ESRRG: variants seen among roughly 807,000 people sequenced by gnomAD.
The protein encoded by ESRRG is estrogen-related receptor gamma.
ESRRG carries 13 observed loss-of-function variants against 44.0 expected under a neutral mutation model. The observed-to-expected ratio is 0.30, with a 90% CI of 0.19 to 0.47. ESRRG has a LOEUF of 0.47. ESRRG is among the 20% of genes least tolerant of loss of function. The pLI, the probability that ESRRG is intolerant of heterozygous loss-of-function variation, is 1.00. For missense variants in ESRRG, 395 were observed against 580.6 expected (o/e 0.68, Z 3.29); for synonymous variants, 215 against 214.6 (o/e 1.00, Z -0.02).
chr1:217,060,520 T>C lies in ESRRG; in HGVS notation c.-106+28987A>G, dbSNP rs138222630. Among the ~76,000 whole-genome samples the C allele has an allele frequency of 1.7e-3, 261 of 152,172 alleles. 1 individual carries two copies. Among genetic ancestry groups the C allele is most frequent in the African/African-American group, 6.0e-3 (249 of 41,530 alleles). ...AATTAAGATGAGAGAGCCAAAGAAA[T>C]ATGATGCAAAATAAACCCTTGCTAT... On this transcript the variant is annotated intron_variant, in intron 1 of 7. Transcript: ENST00000359162.
chr1:216,720,838 A>G (rs1356021452), intron 1 of ESRRG, among the ~76,000 whole-genome samples: 1 of 152,208 alleles, frequency 6.6e-6, no homozygotes, highest in Non-Finnish European at 1.5e-5. Context: ...GAAATTTACT[A>G]AACTGTTCCC....
chr1:216,568,190 G>A, intron 3 of ESRRG, 92 bp from the exon 4 acceptor site: 2 of 860,960 alleles, frequency 2.3e-6, no homozygotes, highest in Non-Finnish European at 4.0e-6. Flanking sequence ...GAGCACATAG[G>A]TGACAAACAG....
intron 1 of ESRRG, among the ~76,000 whole-genome samples, chr1:216,985,345 C>T (rs1313625527): frequency 6.6e-6 from 1 of 152,160 alleles, no homozygotes; most frequent in Non-Finnish European, 1.5e-5. Flanking sequence ...AGAGGTGAGC[C>T]ATTACAACTC....
chr1:216,908,257 A>G (rs2059906891), intron 2 of ESRRG, among the ~76,000 whole-genome samples: 1 of 152,208 alleles, frequency 6.6e-6, no homozygotes, highest in South Asian at 2.1e-4. Context: ...AGCTTTCCTG[A>G]GGGAAGCTAT....
chr1:217,068,451 G>C (rs2090093604), intron 1 of ESRRG, among the ~76,000 whole-genome samples: 1 of 150,450 alleles, frequency 6.6e-6, no homozygotes. Flanking sequence ...CCTCTTCCAA[G>C]ACTGGAATCT....
At chr1:216,958,778 C>T (rs776713510) in intron 1 of ESRRG, among the ~76,000 whole-genome samples, 1 of 152,118 alleles carries the variant, frequency 6.6e-6, no homozygotes, top group Non-Finnish European at 1.5e-5. Flanking sequence ...ACTGCTCCAT[C>T]TGCTTAGACT....
chr1:216,823,633 C>T (rs1187134740), intron 2 of ESRRG, among the ~76,000 whole-genome samples: 2 of 152,144 alleles, frequency 1.3e-5, no homozygotes, highest in Non-Finnish European at 2.9e-5. Flanking sequence ...CCTTTCTAGG[C>T]TGACAAACAC....
intron 2 of ESRRG, among the ~76,000 whole-genome samples, chr1:216,756,347 C>T (rs573509086): frequency 7.2e-5 from 11 of 151,896 alleles, no homozygotes; most frequent in African/African-American, 2.7e-4. Flanking sequence ...GGGAAATGTG[C>T]CATTTCTTGG....
intron 2 of ESRRG, among the ~76,000 whole-genome samples, chr1:216,662,566 C>T (rs2072773109): frequency 1.3e-5 from 2 of 151,990 alleles, no homozygotes; most frequent in Admixed American, 1.3e-4. Flanking sequence ...CAGATAAGTG[C>T]CTCGCATCCC....
chr1:216,658,285 T>C (rs1034761801), intron 2 of ESRRG, among the ~76,000 whole-genome samples: 1 of 152,138 alleles, frequency 6.6e-6, no homozygotes, highest in Non-Finnish European at 1.5e-5. Flanking sequence ...TTAGCCTTGA[T>C]TTTTTTCCAG....
At chr1:216,802,653 T>C (rs2094659926) in intron 2 of ESRRG, among the ~76,000 whole-genome samples, 1 of 152,072 alleles carries the variant, frequency 6.6e-6, no homozygotes, top group Admixed American at 6.6e-5. Flanking sequence ...AGGTGACACA[T>C]CCATGAATTC....
At chr1:216,986,540 G>A (rs781573021) in intron 1 of ESRRG, among the ~76,000 whole-genome samples, 8 of 151,948 alleles carry the variant, frequency 5.3e-5, no homozygotes, top group East Asian at 1.9e-4. Flanking sequence ...GAGAAACCTC[G>A]TCTCTGTAAA....
chr1:217,071,820 G>A (rs2090599575), intron 1 of ESRRG, among the ~76,000 whole-genome samples: 1 of 152,162 alleles, frequency 6.6e-6, no homozygotes, highest in Non-Finnish European at 1.5e-5. Flanking sequence ...TTTCAGATGA[G>A]GAAAGAGAGA....
At chr1:216,802,385 A>G (rs996972956) in intron 2 of ESRRG, among the ~76,000 whole-genome samples, 3 of 152,170 alleles carry the variant, frequency 2.0e-5, no homozygotes, top group Non-Finnish European at 4.4e-5. Flanking sequence ...AAAAGAGAGA[A>G]TTCACTGAGA....
At chr1:216,965,108 A>G (rs933904877) in intron 1 of ESRRG, among the ~76,000 whole-genome samples, 4 of 152,122 alleles carry the variant, frequency 2.6e-5, no homozygotes, top group African/African-American at 9.6e-5. Flanking sequence ...ATGCAAGTCA[A>G]ATGTATCATG....
At chr1:216,804,987 G>C (rs564710136) in intron 2 of ESRRG, 1 of 152,260 alleles carries the variant, frequency 6.6e-6, no homozygotes, top group East Asian at 1.9e-4. Context: ...TGAAAAAACT[G>C]TTATGTTTAT....
upstream of ESRRG, among the ~76,000 whole-genome samples, chr1:217,091,323 G>GA (rs1202712702): frequency 2.6e-5 from 4 of 152,170 alleles, no homozygotes; most frequent in African/African-American, 9.7e-5. Flanking sequence ...TTTTGAATCT[G>GA]AAAAGCACAG....
At chr1:216,930,025 C>T (rs573301836) in intron 2 of ESRRG, among the ~76,000 whole-genome samples, 3 of 152,302 alleles carry the variant, frequency 2.0e-5, no homozygotes, top group Non-Finnish European at 2.9e-5. Flanking sequence ...CATCCTTCCT[C>T]TCTGAGTCCA....
chr1:216,717,867 T>C lies in ESRRG; in HGVS notation c.56+5377A>G, dbSNP rs531997912. On this transcript the variant is annotated intron_variant, in intron 1 of 6. Transcript: ENST00000408911. Reference sequence around the variant, plus strand: ...TTTTGCATTTGTTTGAAAGCTATCATGCTTTACATTAAGATGTATTTGTCA... The same window carrying C: ...TTTTGCATTTGTTTGAAAGCTATCACGCTTTACATTAAGATGTATTTGTCA... Among the ~76,000 whole-genome samples the C allele has an allele frequency of 4.0e-5, 6 of 151,858 alleles. No individual in the cohort carries two copies. In the South Asian group the frequency reaches 1.2e-3, roughly 31 times the overall value.
Sources: gnomAD v4.1 joint callset for allele counts (sites outside exome capture counted in the v4.1 genomes callset) on GRCh38, gnomAD v4.1.1 for gene constraint, MANE v1.5 for transcripts, NCBI Gene and HGNC (gene_info 2026-07-23, HGNC 2026-07-21) for gene names.